Variants in DIAPH2 observed in about 807,000 individuals in gnomAD.
DIAPH2 encodes the protein diaphanous related formin 2.
DIAPH2 carries 35 observed loss-of-function variants against 92.7 expected under a neutral mutation model. That is an observed-to-expected ratio of 0.38 (90% CI 0.29 to 0.50). The LOEUF (loss-of-function observed/expected upper bound fraction) is 0.50. Among genes scored for constraint, DIAPH2 ranks in the 20% least tolerant of loss-of-function variants. The probability of loss-of-function intolerance (pLI) is 0.94; values close to 1 mark genes in which losing one functional copy is unlikely to be tolerated. For missense variants in DIAPH2, 701 were observed against 819.5 expected (o/e 0.86, Z 1.77); for synonymous variants, 301 against 280.4 (o/e 1.07, Z -0.73).
chrX:97,053,839 A>T (rs2147896163), intron 17 of DIAPH2, among the ~76,000 whole-genome samples: 1 of 111,884 alleles, frequency 8.9e-6, no homozygotes, highest in Admixed American at 9.5e-5. Context: ...TTGTGTGGAT[A>T]TATGTGATTT....
At chrX:97,474,780 T>A in intron 26 of DIAPH2, among the ~76,000 whole-genome samples, 1 of 108,662 alleles carries the variant, frequency 9.2e-6, no homozygotes. Flanking sequence ...AAAAAAAAAA[T>A]TAATAATAGT....
chrX:97,325,747 T>C (rs1438573663), intron 23 of DIAPH2, among the ~76,000 whole-genome samples: 1 of 110,152 alleles, frequency 9.1e-6, no homozygotes, highest in Non-Finnish European at 1.9e-5. Context: ...CCAGCTAATT[T>C]TTTGTATGTT....
chrX:97,290,724 G>T (rs187854264), intron 23 of DIAPH2, among the ~76,000 whole-genome samples: 263 of 111,637 alleles, frequency 2.4e-3, no homozygotes, highest in African/African-American at 7.9e-3. Context: ...TTCTGACCTT[G>T]GTTGGAAAAT....
chrX:96,990,401 C>T (rs979841052), intron 17 of DIAPH2, among the ~76,000 whole-genome samples: 1 of 111,397 alleles, frequency 9.0e-6, no homozygotes, highest in Non-Finnish European at 1.9e-5. Context: ...AACTAGAGTG[C>T]GCATTTCCGA....
intron 17 of DIAPH2, among the ~76,000 whole-genome samples, chrX:97,053,384 G>A (rs1346538534): frequency 1.8e-5 from 2 of 111,387 alleles, no homozygotes; most frequent in Non-Finnish European, 1.9e-5. Flanking sequence ...TTCACAGGTA[G>A]TTGATATCAG....
intron 23 of DIAPH2, among the ~76,000 whole-genome samples, chrX:97,300,855 C>T (rs2068690952): frequency 1.1e-5 from 1 of 93,022 alleles, no homozygotes; most frequent in African/African-American, 3.9e-5. Context: ...TGGCGTGAAC[C>T]CGGGAGGCGG....
rs752967256 is a variant in DIAPH2, at chrX:96,875,971, C to G, written c.448-5608C>G. Among the ~76,000 whole-genome samples, 196 of 111,438 alleles carry G rather than the reference C, an allele frequency of 1.8e-3. 1 individual carries two copies. Among genetic ancestry groups the G allele is most frequent in the Non-Finnish European group, 2.9e-3 (155 of 53,077 alleles). On this transcript the variant is annotated intron_variant, in intron 4 of 26. Coordinates refer to ENST00000324765, the MANE Select transcript of DIAPH2 (RefSeq NM_006729.5). ...CAAAAGAAACTACCATCAGAGTGAA[C>G]AGGCAACCTACAGAATGGGAGAAAA...
intron 20 of DIAPH2, among the ~76,000 whole-genome samples, chrX:97,100,832 G>C (rs979189207): frequency 8.9e-6 from 1 of 111,775 alleles, no homozygotes; most frequent in Non-Finnish European, 1.9e-5. Context: ...AGATGGGACT[G>C]AGCATGTTCC....
At chrX:96,753,919 G>A (rs1017006305) in intron 3 of DIAPH2, among the ~76,000 whole-genome samples, 3 of 112,155 alleles carry the variant, frequency 2.7e-5, no homozygotes, top group East Asian at 2.8e-4. Context: ...TGGCCTATTC[G>A]TGGCCTGCTT....
chrX:97,170,806 A>C (rs767923577), intron 22 of DIAPH2, among the ~76,000 whole-genome samples: 1 of 111,631 alleles, frequency 9.0e-6, no homozygotes, highest in South Asian at 3.7e-4. Context: ...CATTTTTATA[A>C]ATTCATTTTC....
intron 1 of DIAPH2, among the ~76,000 whole-genome samples, chrX:96,719,812 T>C (rs1482349469): frequency 1.8e-5 from 2 of 112,324 alleles, no homozygotes; most frequent in African/African-American, 6.5e-5. Context: ...TAAAAAAAAT[T>C]TCTGTGAAGA....
intron 26 of DIAPH2, among the ~76,000 whole-genome samples, chrX:97,560,171 A>C (rs892379392): frequency 8.9e-6 from 1 of 112,121 alleles, no homozygotes. Context: ...CATTTCTAGC[A>C]TCTGTTTTTA....
At chrX:96,913,878 T>C (rs772672334) in intron 7 of DIAPH2, among the ~76,000 whole-genome samples, 5 of 110,632 alleles carry the variant, frequency 4.5e-5, no homozygotes, top group African/African-American at 1.3e-4. Context: ...TTCTATAAAC[T>C]ATTTTTTTTA....
At chrX:97,249,273 A>C (rs982563860) in intron 23 of DIAPH2, among the ~76,000 whole-genome samples, 1 of 111,580 alleles carries the variant, frequency 9.0e-6, no homozygotes, top group Non-Finnish European at 1.9e-5. Flanking sequence ...AAGAAAAGTA[A>C]TTTCAAACCC....
At chrX:97,421,409 A>G (rs1462066644) in intron 25 of DIAPH2, among the ~76,000 whole-genome samples, 1 of 111,468 alleles carries the variant, frequency 9.0e-6, no homozygotes, top group Non-Finnish European at 1.9e-5. Context: ...TGTGTTATCT[A>G]CAAATCTGTA....
chrX:96,818,658 G>C (rs1209453416), intron 4 of DIAPH2, among the ~76,000 whole-genome samples: 2 of 112,379 alleles, frequency 1.8e-5, no homozygotes, highest in Non-Finnish European at 3.8e-5. Context: ...ATATCCATAA[G>C]AAAGACACAT....
intron 5 of DIAPH2, chrX:96,884,181 A>G (rs17256465): frequency 0.039 from 19,526 of 505,925 alleles, 366 homozygotes; most frequent in Non-Finnish European, 0.049. Flanking sequence ...CCAGCATTCA[A>G]TCGTAGCCTT....
At chrX:97,584,665 A>C (rs2071467707) in intron 26 of DIAPH2, among the ~76,000 whole-genome samples, 1 of 112,045 alleles carries the variant, frequency 8.9e-6, no homozygotes, top group South Asian at 3.7e-4. Flanking sequence ...GGTAGAGAGC[A>C]ACTCTCAAAT....
At chrX:97,469,564 T>C in intron 26 of DIAPH2, 1 of 526,266 alleles carries the variant, frequency 1.9e-6, no homozygotes, top group South Asian at 5.1e-5. Flanking sequence ...TAAGTTACAG[T>C]AGCACAATCC....
Sources: gnomAD v4.1 joint callset for allele counts (sites outside exome capture counted in the v4.1 genomes callset) on GRCh38, gnomAD v4.1.1 for gene constraint, MANE v1.5 for transcripts, NCBI Gene and HGNC (gene_info 2026-07-23, HGNC 2026-07-21) for gene names.